The following CEP131 variants were observed in gnomAD, a reference collection of about 807,000 sequenced individuals.
CEP131 encodes centrosomal protein of 131 kDa.
In CEP131, 99 loss-of-function variants were observed where a neutral mutation model predicts 136.8. The observed-to-expected ratio is 0.72, with a 90% CI of 0.62 to 0.86. The LOEUF is 0.86. Among genes scored for constraint, CEP131 ranks in the 40% least tolerant of loss-of-function variants. The probability of loss-of-function intolerance (pLI) is 0.00; values close to 1 mark genes in which losing one functional copy is unlikely to be tolerated. For synonymous variants in CEP131, 646 were observed against 612.7 expected, an observed-to-expected ratio of 1.05 and a Z score of -0.80; for missense variants, 1,459 against 1,463.0, an observed-to-expected ratio of 1.00 and a Z score of 0.04.
At chr17:81,191,770 A>G (rs1269062773) in intron 21 of CEP131, among the ~76,000 whole-genome samples, 1 of 152,176 alleles carries the variant, frequency 6.6e-6, no homozygotes, top group Non-Finnish European at 1.5e-5. Context: ...CGTCGGGAGC[A>G]TGCTACTGGG....
At chr17:81,202,494 A>AG (rs2061915489) in intron 6 of CEP131, 96 bp from the exon 7 acceptor site, 1 of 1,433,126 alleles carries the variant, frequency 7.0e-7, no homozygotes, top group Non-Finnish European at 9.4e-7. Context: ...CCCAGGACTG[A>AG]GCCTGGAAGT....
At chr17:81,217,404 C>T (rs1185627801) in intron 2 of CEP131, among the ~76,000 whole-genome samples, 3 of 151,950 alleles carry the variant, frequency 2.0e-5, no homozygotes, top group Admixed American at 6.5e-5. Flanking sequence ...CACCCCACCC[C>T]ACCCACAAAC....
At chr17:81,199,584 G>A in intron 9 of CEP131, 35 bp from the exon 10 acceptor site, 1 of 1,594,712 alleles carries the variant, frequency 6.3e-7, no homozygotes, top group Non-Finnish European at 8.5e-7. Context: ...CTGTCCCTGG[G>A]AGAGGACGAC....
At chr17:81,212,166 T>C (rs988281859) in intron 2 of CEP131, among the ~76,000 whole-genome samples, 2 of 149,552 alleles carry the variant, frequency 1.3e-5, no homozygotes, top group African/African-American at 4.9e-5. Context: ...AAGATATATA[T>C]ATATAAATTA....
chr17:81,192,409 A>G lies in CEP131; in HGVS notation c.2548-17T>C. ...CAGCTCCATCTGGGGGGCGGACATAAGAGGCCAGTCAGTCCCACCCCGTGC... is the reference window on the plus strand; with the variant it reads ...CAGCTCCATCTGGGGGGCGGACATAGGAGGCCAGTCAGTCCCACCCCGTGC... On this transcript the variant is annotated splice_polypyrimidine_tract_variant and intron_variant, in intron 20 of 25. Coordinates refer to ENST00000450824, the MANE Select transcript of CEP131 (RefSeq NM_014984.4). 1 of 1,611,134 alleles carries G rather than the reference A, an allele frequency of 6.2e-7. No individual in the cohort carries two copies. The highest frequency in any genetic ancestry group is 8.5e-7 in the Non-Finnish European group (1 of 1,179,548).
chr17:81,196,724 G>A lies in CEP131; in HGVS notation c.1876C>T (p.Arg626Trp), dbSNP rs777528382. Residue 626 changes from arginine to tryptophan, a missense_variant, in exon 15 of 26, where the codon CGG (arginine) becomes TGG (tryptophan). By Grantham distance (101) the Arg-to-Trp change is moderately radical. Around this residue, in one of 3 missense-constraint regions of CEP131, gnomAD observed 1,026 missense variants for 964.2 expected, o/e 1.06. Coordinates refer to ENST00000450824, the MANE Select transcript of CEP131 (RefSeq NM_014984.4). ...QREHYEATIQ[R>W]HLAFIDQLIE... The stretch of plus-strand genomic sequence containing the variant: ...ACCTGGTCAATGAAGGCCAAGTGCC[G>A]CTGGATGGTGGCCTCGTAGTGCTCC... The A allele has an allele frequency of 6.2e-6, 10 of 1,605,148 alleles. No homozygotes were observed. In the East Asian group the frequency reaches 6.7e-5, roughly 11 times the overall value.
intron 1 of CEP131, among the ~76,000 whole-genome samples, chr17:81,221,914 G>C (rs935596438): frequency 6.6e-6 from 1 of 152,126 alleles, no homozygotes; most frequent in African/African-American, 2.4e-5. Flanking sequence ...CTTCAGCCCG[G>C]CACCCCACAG....
rs560167110 is a variant in CEP131, at chr17:81,208,597, C to T, written c.272+331G>A. ...AGAAGGGTCACAGTGCTGCCCCTCT[C>T]GCAAATGACAGCTTTTGACATTCAG... On this transcript the variant is annotated intron_variant, in intron 3 of 25. Coordinates refer to ENST00000450824, the MANE Select transcript of CEP131 (RefSeq NM_014984.4). The surrounding 1 kb of genome is among the most constrained non-coding windows in gnomAD (Gnocchi z 5.6). Among the ~76,000 whole-genome samples the T allele has an allele frequency of 6.6e-6, 1 of 152,196 alleles. No homozygotes were observed. Among genetic ancestry groups the T allele is most frequent in the Non-Finnish European group, 1.5e-5 (1 of 68,038 alleles).
rs772282283 is a variant in CEP131 at position 81,196,889 on chromosome 17, A to C, written c.1773+41T>G. ...GGTGGGCCTGGCCTCAGCAGGTAGG[A>C]GGCTAGCAGGGCCCGGGATTAGCAG... is the stretch of plus-strand genomic sequence containing the variant. On this transcript the variant is annotated intron_variant, in intron 14 of 25. Coordinates refer to ENST00000450824, the MANE Select transcript of CEP131 (RefSeq NM_014984.4). The C allele has an allele frequency of 8.7e-6, 14 of 1,606,512 alleles. No individual in the cohort carries two copies. The East Asian group carries it at 3.1e-4, about 36-fold the overall frequency.
chr17:81,212,778 G>A (rs1031330344), intron 2 of CEP131, among the ~76,000 whole-genome samples: 1 of 152,184 alleles, frequency 6.6e-6, no homozygotes, highest in Non-Finnish European at 1.5e-5. Context: ...CGTCGGGGGG[G>A]CGAGAGGTGC....
intron 2 of CEP131, among the ~76,000 whole-genome samples, chr17:81,212,746 AG>A (rs1351056630): frequency 6.6e-6 from 1 of 152,094 alleles, no homozygotes; most frequent in Non-Finnish European, 1.5e-5. Context: ...TCACTGCAGG[AG>A]GGGAGGTTAC....
intron 2 of CEP131, among the ~76,000 whole-genome samples, chr17:81,216,808 CA>C (rs1210518183): frequency 6.6e-6 from 1 of 152,198 alleles, no homozygotes; most frequent in Non-Finnish European, 1.5e-5. Flanking sequence ...CCAGTCATTG[CA>C]TCAGGGCCAT....
chr17:81,200,528 C>CG, intron 7 of CEP131, 82 bp from the exon 8 acceptor site: 2 of 1,073,376 alleles, frequency 1.9e-6, no homozygotes, highest in East Asian at 5.4e-5. Context: ...AAGGTCGAGC[C>CG]GGGGAAGAGA....
Position 81,215,995 on chromosome 17 carries a change from G to C in CEP131, c.177+3885C>G, listed in dbSNP as rs895801378. On this transcript the variant is annotated intron_variant, in intron 2 of 25. Transcript: ENST00000450824. This position sits in a 1 kb window ranked among gnomAD's most constrained non-coding sequence, Gnocchi z 4.1. ...AATCCCAGCACTTTGGGAGGCCGAG[G>C]TGGGAGGATCGCTTCAGCCCAGGAG... 6.6e-6 allele frequency among the ~76,000 whole-genome samples: 1 copy of C among 152,120 alleles called. No homozygotes were observed. Among genetic ancestry groups the C allele is most frequent in the Non-Finnish European group, 1.5e-5 (1 of 68,014 alleles).
intron 24 of CEP131, 81 bp from the exon 25 acceptor site, chr17:81,190,056 G>T: frequency 3.1e-6 from 4 of 1,292,590 alleles, no homozygotes; most frequent in Non-Finnish European, 4.2e-6. Flanking sequence ...GGGTGCACGG[G>T]GCAGCCGCCT....
chr17:81,204,722 GCCTGCA>G lies in CEP131; in HGVS notation c.516-1121_516-1116del, dbSNP rs1276872590. 1.7e-4 allele frequency among the ~76,000 whole-genome samples: 26 copies of G among 151,938 alleles called. No individual in the cohort carries two copies. In the South Asian group the frequency reaches 5.2e-3, roughly 30 times the overall value. On this transcript the variant is annotated intron_variant, in intron 5 of 25. Transcript: ENST00000450824. ...CCTGCACCGGACCACACCTGCACCA[GCCTGCA>G]CCTGCACCGGACCACACCTGCACCG...
intron 16 of CEP131, among the ~76,000 whole-genome samples, chr17:81,195,423 G>A (rs2061732614): frequency 6.6e-6 from 1 of 152,236 alleles, no homozygotes; most frequent in Non-Finnish European, 1.5e-5. Context: ...AGCCAGGGAG[G>A]CTGAGGCCCC....
rs2061908394 is a variant in CEP131 at position 81,202,256 on chromosome 17, C to A, written c.772G>T (p.Glu258Ter). ...TGLPRRKEVT[E>*]EEAERFIHQV... ...ATCGGTCACCTCTCAGCCTCCTCCT[C>A]CGTCACCTCCTTCCGCCTGGGCAAG... is the stretch of plus-strand genomic sequence containing the variant. Residue 258 changes from glutamate (E) to a stop codon, truncating the protein, a stop_gained, in exon 7 of 26, where the codon GAG (glutamate) becomes TAG (stop). Coordinates refer to ENST00000450824, the MANE Select transcript of CEP131 (RefSeq NM_014984.4). LOFTEE classifies it high-confidence loss of function. 1 of 1,605,528 alleles carries A rather than the reference C, an allele frequency of 6.2e-7. No individual in the cohort carries two copies. Among genetic ancestry groups the A allele is most frequent in the Non-Finnish European group, 8.5e-7 (1 of 1,175,586 alleles).
intron 7 of CEP131, among the ~76,000 whole-genome samples, chr17:81,202,014 T>C (rs2061901234): frequency 6.6e-6 from 1 of 150,750 alleles, no homozygotes; most frequent in Non-Finnish European, 1.5e-5. Flanking sequence ...GGCAGGAGAA[T>C]GGTGTGAACC....
Sources: allele counts gnomAD v4.1 joint callset (sites outside exome capture counted in the v4.1 genomes callset), GRCh38; gene constraint gnomAD v4.1.1; regional missense constraint gnomAD v4.1.1; non-coding constraint Gnocchi (gnomAD v3.1); transcripts MANE v1.5; gene names NCBI Gene and HGNC (gene_info 2026-07-23, HGNC 2026-07-21).